HECW2: variants seen among roughly 807,000 people sequenced by gnomAD.
HECW2 encodes the protein E3 ubiquitin-protein ligase HECW2.
Under a neutral mutation model 175.2 loss-of-function variants are expected in HECW2, and 61 were observed. The observed-to-expected ratio is 0.35, with a 90% CI of 0.28 to 0.43. The LOEUF (loss-of-function observed/expected upper bound fraction) is 0.43. HECW2 is among the 20% of genes least tolerant of loss of function. HECW2 has a pLI of 1.00. For missense variants in HECW2, 1,524 were observed against 2,000.5 expected (o/e 0.76, Z 4.54); for synonymous variants, 671 against 731.0 (o/e 0.92, Z 1.32).
At chr2:196,334,654 C>T (rs1054947736) in intron 3 of HECW2, 136 bp from the exon 4 acceptor site, 2 of 662,390 alleles carry the variant, frequency 3.0e-6, no homozygotes, top group Non-Finnish European at 5.3e-6. Flanking sequence ...CCACTCAGCG[C>T]CAACAAATTA....
At chr2:196,440,936 G>A (rs1056194230) in intron 1 of HECW2, among the ~76,000 whole-genome samples, 10 of 152,094 alleles carry the variant, frequency 6.6e-5, no homozygotes, top group Non-Finnish European at 1.5e-4. Flanking sequence ...TTCTAAATAT[G>A]ATTAGGTCTG....
intron 1 of HECW2, among the ~76,000 whole-genome samples, chr2:196,579,410 T>C (rs1287381405): frequency 6.6e-6 from 1 of 152,128 alleles, no homozygotes; most frequent in Non-Finnish European, 1.5e-5. Context: ...AAATGCTACT[T>C]GATTATCAGT....
rs1214987924 is a variant in HECW2, at chr2:196,593,515, C to A, written c.-43G>T. On this transcript the variant is annotated 5_prime_UTR_variant, in exon 1 of 29. Coordinates refer to ENST00000644978, the MANE Select transcript of HECW2 (RefSeq NM_001348768.2). ...AGAGTCCGGCCTCCTCACCTCCAGC[C>A]GCGCCGGCGCCCTTCCCGCTAGACG... is the stretch of plus-strand genomic sequence containing the variant. The A allele has an allele frequency of 6.6e-6, 1 of 152,330 alleles. No homozygotes were observed. The highest frequency in any genetic ancestry group is 2.1e-4 in the South Asian group (1 of 4,834). The allele number at this position is 152,330 out of a possible 1,614,324, so 9.4% of individuals were successfully genotyped here.
chr2:196,241,972 C>A, intron 20 of HECW2, 112 bp downstream of exon 20: 1 of 917,688 alleles, frequency 1.1e-6, no homozygotes, highest in South Asian at 1.7e-5. Flanking sequence ...ATAATTATGC[C>A]GACTAAAATG....
chr2:196,223,997 G>T (rs1456408656), intron 23 of HECW2, among the ~76,000 whole-genome samples: 2 of 152,184 alleles, frequency 1.3e-5, no homozygotes, highest in African/African-American at 4.8e-5. Context: ...TAATTGCTGG[G>T]CTTGAGCACT....
At chr2:196,439,394 GA>G (rs1695975577) in intron 1 of HECW2, among the ~76,000 whole-genome samples, 2 of 152,154 alleles carry the variant, frequency 1.3e-5, no homozygotes, top group East Asian at 3.8e-4. Context: ...CCTGTACTTA[GA>G]AAAGAAGAAG....
chr2:196,219,777 T>A (rs978595957), intron 26 of HECW2, among the ~76,000 whole-genome samples: 1 of 152,198 alleles, frequency 6.6e-6, no homozygotes, highest in African/African-American at 2.4e-5. Context: ...TTAATTAGTG[T>A]TCTTACGGTC....
intron 28 of HECW2, among the ~76,000 whole-genome samples, chr2:196,210,670 G>C (rs1259269827): frequency 6.6e-6 from 1 of 151,850 alleles, no homozygotes; most frequent in African/African-American, 2.4e-5. Flanking sequence ...CTGGAGTGCA[G>C]TGGCATGATC....
chr2:196,245,069 G>A (rs74599921), intron 19 of HECW2, among the ~76,000 whole-genome samples: 1,800 of 152,302 alleles, frequency 0.012, 46 homozygotes, highest in African/African-American at 0.041. Context: ...AGGGGATAAG[G>A]ACTAGACTGG....
At chr2:196,537,298 A>T (rs2125460331) in intron 1 of HECW2, among the ~76,000 whole-genome samples, 1 of 152,216 alleles carries the variant, frequency 6.6e-6, no homozygotes, top group Non-Finnish European at 1.5e-5. Flanking sequence ...CTGTCCATGT[A>T]TGGGGACAGG....
intron 2 of HECW2, among the ~76,000 whole-genome samples, chr2:196,368,279 T>C (rs113624668): frequency 6.6e-6 from 1 of 152,296 alleles, no homozygotes; most frequent in African/African-American, 2.4e-5. Context: ...TCACCAGCAT[T>C]TTAAAAGCCA....
At chr2:196,375,632 T>C (rs980643848) in intron 2 of HECW2, among the ~76,000 whole-genome samples, 3 of 152,154 alleles carry the variant, frequency 2.0e-5, no homozygotes, top group Non-Finnish European at 4.4e-5. Flanking sequence ...AGAATCAAAA[T>C]TGATTATTAG....
chr2:196,230,436 C>A (rs1177085025), intron 21 of HECW2, among the ~76,000 whole-genome samples: 1 of 152,208 alleles, frequency 6.6e-6, no homozygotes, highest in Non-Finnish European at 1.5e-5. Context: ...TTTTCAAAGT[C>A]ATTTTCCATT....
intron 4 of HECW2, among the ~76,000 whole-genome samples, chr2:196,330,591 G>T (rs1327604085): frequency 1.3e-5 from 2 of 152,080 alleles, no homozygotes; most frequent in African/African-American, 4.8e-5. Context: ...AAAATCCCTG[G>T]TAAGTCAGTT....
At chr2:196,417,124 T>C (rs533728326) in intron 2 of HECW2, among the ~76,000 whole-genome samples, 33 of 152,376 alleles carry the variant, frequency 2.2e-4, no homozygotes, top group African/African-American at 7.7e-4. Context: ...ATGAGACCGA[T>C]AGAGTCAATG....
intron 19 of HECW2, among the ~76,000 whole-genome samples, chr2:196,245,841 C>T (rs1168491745): frequency 6.6e-6 from 1 of 152,192 alleles, no homozygotes; most frequent in East Asian, 1.9e-4. Context: ...CAGGGGTTCT[C>T]AATCTTGACT....
chr2:196,504,277 A>G (rs1210469579), intron 1 of HECW2, among the ~76,000 whole-genome samples: 2 of 147,298 alleles, frequency 1.4e-5, no homozygotes, highest in Admixed American at 1.4e-4. Context: ...GCTGGGGGAT[A>G]AGAGTGAAAC....
At chr2:196,418,610 T>C (rs1695323468) in intron 2 of HECW2, among the ~76,000 whole-genome samples, 1 of 152,154 alleles carries the variant, frequency 6.6e-6, no homozygotes, top group South Asian at 2.1e-4. Context: ...GAGCAACAGA[T>C]GCACATTTTC....
At chr2:196,283,909 A>G (rs1440718570) in intron 14 of HECW2, among the ~76,000 whole-genome samples, 1 of 152,168 alleles carries the variant, frequency 6.6e-6, no homozygotes, top group Non-Finnish European at 1.5e-5. Context: ...ATTTAAGTGA[A>G]ATGTACAGTT....
Sources: allele counts gnomAD v4.1 joint callset (sites outside exome capture counted in the v4.1 genomes callset), GRCh38; gene constraint gnomAD v4.1.1; transcripts MANE v1.5; gene names NCBI Gene and HGNC (gene_info 2026-07-23, HGNC 2026-07-21).